Variants in PCDH11X observed in about 807,000 individuals in gnomAD.
PCDH11X encodes the protein protocadherin-11 X-linked.
A neutral mutation model predicts 53.3 loss-of-function variants in PCDH11X; 18 were observed. The observed-to-expected ratio is 0.34, with a 90% CI of 0.23 to 0.50. The LOEUF is 0.50. PCDH11X is among the 20% of genes least tolerant of loss of function. The pLI is 0.98. For synonymous variants in PCDH11X, 279 were observed against 393.3 expected (o/e 0.71, Z 3.44); for missense variants, 570 against 1,032.4 (o/e 0.55, Z 6.14).
At chrX:91,790,663 T>A (rs907592633) in intron 1 of PCDH11X, among the ~76,000 whole-genome samples, 2 of 111,510 alleles carry the variant, frequency 1.8e-5, no homozygotes, top group Non-Finnish European at 3.8e-5. Flanking sequence ...GACACCATGC[T>A]AACCACTTTC....
Position 92,084,551 on chromosome X carries a change from A to AAG in PCDH11X, c.3034-116823_3034-116822insGA, listed in dbSNP as rs1255158652. Among the ~76,000 whole-genome samples, 3 of 110,709 alleles carry AAG rather than the reference A, an allele frequency of 2.7e-5. No individual in the cohort carries two copies. The Admixed American group carries it at 2.9e-4, about 11-fold the overall frequency. ...GAAACACAGTCTCAAAAAAAAAAAA[A>AAG]AAAGAAATAGTCTAATATTAACTAA... On this transcript the variant is annotated intron_variant, in intron 6 of 10. Coordinates refer to ENST00000682573, the MANE Select transcript of PCDH11X (RefSeq NM_032968.5).
intron 7 of PCDH11X, among the ~76,000 whole-genome samples, chrX:92,257,308 T>C (rs2067613451): frequency 9.0e-6 from 1 of 110,909 alleles, no homozygotes; most frequent in African/African-American, 3.3e-5. Context: ...ACATTGGGGA[T>C]TACATTTAGA....
intron 1 of PCDH11X, among the ~76,000 whole-genome samples, chrX:91,784,079 G>A (rs895125048): frequency 3.6e-5 from 4 of 112,107 alleles, no homozygotes; most frequent in African/African-American, 1.3e-4. Context: ...TTGATGTCTT[G>A]TTACAAAGTT....
At chrX:92,369,910 G>A (rs749353127) in intron 8 of PCDH11X, among the ~76,000 whole-genome samples, 4 of 107,596 alleles carry the variant, frequency 3.7e-5, no homozygotes, top group Admixed American at 1.0e-4. Flanking sequence ...TGTTGGTCTC[G>A]CTGGGAGCTG....
intron 10 of PCDH11X, among the ~76,000 whole-genome samples, chrX:92,469,009 C>T (rs1569492099): frequency 9.1e-6 from 1 of 109,712 alleles, no homozygotes; most frequent in African/African-American, 3.3e-5. Context: ...TGCATATGCA[C>T]ACATTTCTTT....
At chrX:92,526,202 T>C (rs2074450763) in intron 10 of PCDH11X, among the ~76,000 whole-genome samples, 1 of 111,516 alleles carries the variant, frequency 9.0e-6, no homozygotes, top group Non-Finnish European at 1.9e-5. Context: ...AGTTCTATGA[T>C]CATTAGCAGC....
chrX:92,041,986 G>C, intron 6 of PCDH11X, among the ~76,000 whole-genome samples: 1 of 111,770 alleles, frequency 8.9e-6, no homozygotes. Flanking sequence ...CAAAAAAATA[G>C]CCTCTATATT....
intron 6 of PCDH11X, among the ~76,000 whole-genome samples, chrX:91,890,170 T>C (rs1940409429): frequency 9.0e-6 from 1 of 110,537 alleles, no homozygotes; most frequent in East Asian, 2.9e-4. Context: ...TTAGTGTATG[T>C]GTGAGCACAG....
rs780487690 is a variant in PCDH11X, at chrX:92,113,402, C to T, written c.3034-87973C>T. The T allele has an allele frequency of 1.8e-4, 213 of 1,200,806 alleles. No homozygotes were observed. The East Asian group carries it at 4.6e-3, about 26-fold the overall frequency. ...CGACTGATTCTGTGGATATAGTTTT[C>T]CCTGTTGGTGGGAAGGTCATAGTTG... On this transcript the variant is annotated intron_variant, in intron 6 of 10. Transcript: ENST00000682573.
At chrX:91,875,534 G>A (rs1445580655) in intron 5 of PCDH11X, among the ~76,000 whole-genome samples, 5 of 108,312 alleles carry the variant, frequency 4.6e-5, no homozygotes, top group Non-Finnish European at 9.6e-5. Flanking sequence ...CTCGTGATCC[G>A]CCCGCCTCGG....
chrX:92,026,267 A>G (rs2062968327), intron 6 of PCDH11X, among the ~76,000 whole-genome samples: 1 of 111,043 alleles, frequency 9.0e-6, no homozygotes, highest in East Asian at 2.8e-4. Context: ...TTCAGTGTCC[A>G]TAAATGAAGT....
At chrX:92,488,723 A>C (rs1439215251) in intron 10 of PCDH11X, among the ~76,000 whole-genome samples, 14 of 102,851 alleles carry the variant, frequency 1.4e-4, no homozygotes, top group African/African-American at 4.6e-4. Flanking sequence ...ATTAGTCTCA[A>C]TATAAATACA....
At chrX:92,370,303 A>G (rs1385990717) in intron 8 of PCDH11X, among the ~76,000 whole-genome samples, 1 of 107,489 alleles carries the variant, frequency 9.3e-6, no homozygotes, top group East Asian at 2.9e-4. Context: ...ATTAATTACT[A>G]TTAGTTTTAT....
chrX:91,977,529 C>T (rs1449226787), intron 6 of PCDH11X, among the ~76,000 whole-genome samples: 1 of 111,729 alleles, frequency 9.0e-6, no homozygotes, highest in Non-Finnish European at 1.9e-5. Context: ...TTCTCCTTAG[C>T]TATGAGTGAA....
chrX:91,819,534 T>C (rs1016312246), intron 4 of PCDH11X, among the ~76,000 whole-genome samples: 9 of 110,184 alleles, frequency 8.2e-5, no homozygotes, highest in African/African-American at 3.0e-4. Context: ...ACTCCGATTA[T>C]TTCTTGAAGT....
intron 6 of PCDH11X, among the ~76,000 whole-genome samples, chrX:92,165,717 T>G (rs2065721686): frequency 8.9e-6 from 1 of 112,046 alleles, no homozygotes; most frequent in African/African-American, 3.2e-5. Flanking sequence ...GCACTGTAAT[T>G]GCTTTCATAA....
chrX:92,461,428 G>T (rs376203387), intron 9 of PCDH11X, among the ~76,000 whole-genome samples: 1 of 111,083 alleles, frequency 9.0e-6, no homozygotes, highest in Non-Finnish European at 1.9e-5. Context: ...ACTCATTTTT[G>T]ACAAAGGCGC....
chrX:92,159,616 TAA>T (rs34112170), intron 6 of PCDH11X, among the ~76,000 whole-genome samples: 16 of 95,621 alleles, frequency 1.7e-4, no homozygotes, highest in South Asian at 5.1e-4. Flanking sequence ...TCATTGGGAT[TAA>T]AAAAAAAAAG....
intron 5 of PCDH11X, among the ~76,000 whole-genome samples, chrX:91,868,652 A>C (rs1049616247): frequency 8.9e-6 from 1 of 111,907 alleles, no homozygotes; most frequent in African/African-American, 3.2e-5. Context: ...TTTCTCTGAC[A>C]TACAATGAAC....
Sources: allele counts gnomAD v4.1 joint callset (sites outside exome capture counted in the v4.1 genomes callset), GRCh38; gene constraint gnomAD v4.1.1; transcripts MANE v1.5; gene names NCBI Gene and HGNC (gene_info 2026-07-23, HGNC 2026-07-21).